CHSY1: variants seen among roughly 807,000 people sequenced by gnomAD.
CHSY1 encodes N-acetylgalactosaminyl-proteoglycan 3-beta-glucuronosyltransferase 1.
Under a neutral mutation model 59.8 loss-of-function variants are expected in CHSY1, and 13 were observed. That is an observed-to-expected ratio of 0.22 (90% CI 0.14 to 0.35). The LOEUF (loss-of-function observed/expected upper bound fraction) is 0.35, where lower values mean the gene tolerates loss of function less well. CHSY1 is among the 10% of genes least tolerant of loss of function. CHSY1 has a pLI of 1.00. For missense variants in CHSY1, 947 were observed against 1,030.6 expected (o/e 0.92, Z 1.11); for synonymous variants, 459 against 401.2 (o/e 1.14, Z -1.72).
chr15:101,247,745 T>A (rs2141283316), intron 1 of CHSY1, among the ~76,000 whole-genome samples: 1 of 152,310 alleles, frequency 6.6e-6, no homozygotes. Context: ...CCCTGCTATA[T>A]CTTGGTGGCC....
intron 1 of CHSY1, among the ~76,000 whole-genome samples, chr15:101,249,606 TG>T (rs1567111418): frequency 6.8e-6 from 1 of 147,432 alleles, no homozygotes; most frequent in Non-Finnish European, 1.5e-5. Context: ...CTCCGCCTCC[TG>T]GGTTCAAGCG....
intron 2 of CHSY1, among the ~76,000 whole-genome samples, chr15:101,208,023 G>A (rs534306667): frequency 2.6e-5 from 4 of 152,328 alleles, no homozygotes; most frequent in East Asian, 1.9e-4. Context: ...CACTTACAGC[G>A]GAAACTGATG....
At chr15:101,220,456 C>G (rs1412523969) in intron 2 of CHSY1, among the ~76,000 whole-genome samples, 1 of 152,188 alleles carries the variant, frequency 6.6e-6, no homozygotes, top group Non-Finnish European at 1.5e-5. Flanking sequence ...GGCAACCTGT[C>G]TCTCTCCCCA....
chr15:101,247,311 C>T (rs933062432), intron 1 of CHSY1, among the ~76,000 whole-genome samples: 1 of 152,194 alleles, frequency 6.6e-6, no homozygotes, highest in Non-Finnish European at 1.5e-5. Context: ...ATTCACACAA[C>T]TGGCTCTTCA....
chr15:101,233,844 C>T (rs531847221), intron 2 of CHSY1, among the ~76,000 whole-genome samples: 139 of 152,246 alleles, frequency 9.1e-4, no homozygotes, highest in African/African-American at 3.1e-3. Context: ...TAGGGGTGGA[C>T]AAGTACAGGC....
intron 1 of CHSY1, among the ~76,000 whole-genome samples, chr15:101,240,607 A>G (rs1464656555): frequency 6.6e-6 from 1 of 152,228 alleles, no homozygotes; most frequent in African/African-American, 2.4e-5. Flanking sequence ...CGCTATTCCT[A>G]CACTGAGTCA....
rs1351572803 is a variant in CHSY1, at chr15:101,176,683, C to G, written c.*705G>C. The G allele has an allele frequency of 6.5e-6, 2 of 306,426 alleles. No homozygotes were observed. The highest frequency in any genetic ancestry group is 4.3e-5 in the African/African-American group (2 of 46,712). 19.0% of individuals were successfully genotyped at this position (306,426 alleles called of 1,614,324 possible). ...TGGTGGTGTGTGCCTGTAATCCCAG[C>G]TACTCGGGAGGCAAAGGCAGGGGAA... On this transcript the variant is annotated 3_prime_UTR_variant, in exon 3 of 3. Transcript: ENST00000254190.
At chr15:101,198,352 C>CCGTTACTGGACAGAGAAATTAACATCTGT (rs2038531366) in intron 2 of CHSY1, among the ~76,000 whole-genome samples, 1 of 152,164 alleles carries the variant, frequency 6.6e-6, no homozygotes, top group African/African-American at 2.4e-5. Context: ...AAAAGCCATC[C>CCGTTACTGGACAGAGAAATTAACATCTGT]CGTTACTGGA....
chr15:101,238,127 TATC>T (rs1016245449), intron 1 of CHSY1, among the ~76,000 whole-genome samples: 1 of 152,224 alleles, frequency 6.6e-6, no homozygotes, highest in African/African-American at 2.4e-5. Context: ...ACTGCATAAG[TATC>T]ATATTGTTTT....
intron 2 of CHSY1, among the ~76,000 whole-genome samples, chr15:101,230,618 T>C (rs575581553): frequency 3.7e-4 from 56 of 152,362 alleles, no homozygotes; most frequent in Non-Finnish European, 6.3e-4. Flanking sequence ...TTCTGGTATA[T>C]GGATGTTCAA....
intron 2 of CHSY1, among the ~76,000 whole-genome samples, chr15:101,211,240 C>T (rs1314011852): frequency 2.0e-5 from 3 of 152,208 alleles, no homozygotes; most frequent in Non-Finnish European, 4.4e-5. Flanking sequence ...AGAAAAATCA[C>T]TTGAACCTGG....
chr15:101,204,901 T>TC lies in CHSY1; in HGVS notation c.817-25922dup, dbSNP rs990187688. ...GCCTGGGCACTAGAACGAGACTCCA[T>TC]CCCCCCGCCACACACACAAAAAAGA... On this transcript the variant is annotated intron_variant, in intron 2 of 2. Coordinates refer to ENST00000254190, the MANE Select transcript of CHSY1 (RefSeq NM_014918.5). 7.3e-4 allele frequency among the ~76,000 whole-genome samples: 111 copies of TC among 151,776 alleles called. 2 individuals carry two copies. The highest frequency in any genetic ancestry group is 2.6e-3 in the African/African-American group (108 of 41,372).
At chr15:101,208,162 G>C (rs2038646634) in intron 2 of CHSY1, among the ~76,000 whole-genome samples, 2 of 152,212 alleles carry the variant, frequency 1.3e-5, no homozygotes, top group South Asian at 4.1e-4. Context: ...TGGAGTATCA[G>C]GGGGAACCCA....
chr15:101,183,359 A>G (rs1197872101), intron 2 of CHSY1, among the ~76,000 whole-genome samples: 2 of 152,230 alleles, frequency 1.3e-5, no homozygotes, highest in Non-Finnish European at 2.9e-5. Flanking sequence ...ACAGAGGAGG[A>G]AAAAGGGCAT....
intron 2 of CHSY1, among the ~76,000 whole-genome samples, chr15:101,205,758 T>C (rs2038618119): frequency 6.6e-6 from 1 of 152,128 alleles, no homozygotes; most frequent in Admixed American, 6.5e-5. Flanking sequence ...GAGACCATCC[T>C]GGATAAAACG....
chr15:101,234,287 C>T (rs530894959), intron 2 of CHSY1, among the ~76,000 whole-genome samples: 4 of 152,298 alleles, frequency 2.6e-5, no homozygotes, highest in African/African-American at 7.2e-5. Context: ...ACAACAAATG[C>T]GAAGTCAAAT....
chr15:101,185,171 G>A (rs1596426427), intron 2 of CHSY1, among the ~76,000 whole-genome samples: 1 of 152,236 alleles, frequency 6.6e-6, no homozygotes, highest in Non-Finnish European at 1.5e-5. Context: ...CGTGTGGAAT[G>A]GGAGATGGAG....
rs1229734511 is a variant in CHSY1, at chr15:101,177,798, T to A, written c.1999A>T (p.Ile667Phe). 1.9e-6 allele frequency: 3 copies of A among 1,614,208 alleles called. No homozygotes were observed. In the South Asian group the frequency reaches 3.3e-5, roughly 18 times the overall value. Residue 667 changes from isoleucine to phenylalanine, a missense_variant, in exon 3 of 3, where the codon ATT (isoleucine) becomes TTT (phenylalanine). Around this residue, in one of 4 missense-constraint regions of CHSY1, gnomAD observed 602 missense variants for 676.9 expected, o/e 0.89. Transcript: ENST00000254190. ...CTGGGAACTTTCCCACTATAAACAA[T>A]CTTTGGGTCATACTGGCTGAAGATG... ...PIIFSQYDPK[I>F]VYSGKVPSDN...
intron 2 of CHSY1, chr15:101,187,659 A>G (rs181534553): frequency 8.5e-5 from 13 of 152,352 alleles, no homozygotes; most frequent in Admixed American, 8.5e-4. Context: ...ACACAACTCA[A>G]TCTAGACAGG....
Sources: allele counts gnomAD v4.1 joint callset (sites outside exome capture counted in the v4.1 genomes callset), GRCh38; gene constraint gnomAD v4.1.1; regional missense constraint gnomAD v4.1.1; transcripts MANE v1.5; gene names NCBI Gene and HGNC (gene_info 2026-07-23, HGNC 2026-07-21).